Variants in SLC44A5 observed in about 807,000 individuals in gnomAD.
The protein encoded by SLC44A5 is solute carrier family 44 member 5.
A neutral mutation model predicts 101.8 loss-of-function variants in SLC44A5; 57 were observed. The ratio of observed to expected loss-of-function variants is 0.56; its 90% CI spans 0.45 to 0.70. The LOEUF (loss-of-function observed/expected upper bound fraction) is 0.70, where lower values mean the gene tolerates loss of function less well. Among genes scored for constraint, SLC44A5 ranks in the 30% least tolerant of loss-of-function variants. The pLI is 0.00. For missense variants in SLC44A5, 737 were observed against 853.1 expected, an observed-to-expected ratio of 0.86 and a Z score of 1.70; for synonymous variants, 281 against 290.9, an observed-to-expected ratio of 0.97 and a Z score of 0.35.
the SLC44A5 span, among the ~76,000 whole-genome samples, chr1:75,682,280 A>C: frequency 6.6e-6 from 1 of 152,170 alleles, no homozygotes; most frequent in East Asian, 1.9e-4. Flanking sequence ...GAACCAAAAA[A>C]GAGCCCGCAT....
chr1:75,314,116 G>T (rs1438267931), intron 4 of SLC44A5, among the ~76,000 whole-genome samples: 1 of 152,110 alleles, frequency 6.6e-6, no homozygotes, highest in Non-Finnish European at 1.5e-5. Flanking sequence ...ATACACTAGA[G>T]AAAAGTTTAA....
intron 21 of SLC44A5, 38 bp downstream of exon 21, chr1:75,213,880 TA>T: frequency 6.6e-7 from 1 of 1,518,102 alleles, no homozygotes; most frequent in Non-Finnish European, 9.0e-7. Flanking sequence ...AAGCATCTTT[TA>T]AACTTTTTTT....
At chr1:75,273,647 G>A (rs920606073) in intron 6 of SLC44A5, among the ~76,000 whole-genome samples, 1 of 151,998 alleles carries the variant, frequency 6.6e-6, no homozygotes, top group African/African-American at 2.4e-5. Context: ...CACAATTTTT[G>A]TTTTTAATTC....
the SLC44A5 span, chr1:75,642,098 A>T: frequency 8.5e-7 from 1 of 1,181,646 alleles, no homozygotes; most frequent in South Asian, 1.3e-5. Flanking sequence ...TTTTTATTTT[A>T]TTTGATGTAG....
chr1:75,407,308 C>T (rs567510307), intron 2 of SLC44A5, among the ~76,000 whole-genome samples: 1 of 152,056 alleles, frequency 6.6e-6, no homozygotes, highest in Non-Finnish European at 1.5e-5. Context: ...AGATTCAATG[C>T]CATCCCCATC....
rs983940761 is a variant in SLC44A5 at position 75,311,527 on chromosome 1, A to T, written c.102-10842T>A. ...CAAAGCACTACAATTCAACTTACAT[A>T]ACAGGTACCAGCTCCTACTAATATC... On this transcript the variant is annotated intron_variant, in intron 4 of 23. Transcript: ENST00000370859. 3.5e-5 allele frequency: 34 copies of T among 983,460 alleles called. No homozygotes were observed. The African/African-American group carries it at 5.9e-4, about 17-fold the overall frequency. The allele number at this position is 983,460 out of a possible 1,614,324, so 60.9% of individuals were successfully genotyped here.
At chr1:75,501,135 G>A (rs1668936697) in intron 2 of SLC44A5, among the ~76,000 whole-genome samples, 1 of 152,016 alleles carries the variant, frequency 6.6e-6, no homozygotes, top group South Asian at 2.1e-4. Context: ...CACTTCAGAA[G>A]AGAAGATTTA....
chr1:75,439,112 T>C (rs1665049933), intron 2 of SLC44A5, among the ~76,000 whole-genome samples: 1 of 152,098 alleles, frequency 6.6e-6, no homozygotes, highest in South Asian at 2.1e-4. Context: ...CATTAATGAA[T>C]TAATGCCATG....
At chr1:75,610,433 T>C (rs1458474828) in intron 1 of SLC44A5, among the ~76,000 whole-genome samples, 2 of 152,060 alleles carry the variant, frequency 1.3e-5, no homozygotes, top group Non-Finnish European at 2.9e-5. Flanking sequence ...ATGTTAATAA[T>C]ATCTGTATGA....
At chr1:75,678,902 C>T in the SLC44A5 span, among the ~76,000 whole-genome samples, 2 of 152,060 alleles carry the variant, frequency 1.3e-5, no homozygotes, top group Non-Finnish European at 2.9e-5. Flanking sequence ...ATAATCAATA[C>T]AGAGAAGTGC....
chr1:75,515,110 A>G (rs374226902), intron 2 of SLC44A5, among the ~76,000 whole-genome samples: 2 of 151,926 alleles, frequency 1.3e-5, no homozygotes, highest in Admixed American at 6.6e-5. Context: ...TTGTTTCACT[A>G]TTTTCTCCGT....
the SLC44A5 span, among the ~76,000 whole-genome samples, chr1:75,683,392 G>C: frequency 6.6e-6 from 1 of 151,972 alleles, no homozygotes; most frequent in East Asian, 1.9e-4. Context: ...TTAAGAAAAT[G>C]TGGCACATAT....
At chr1:75,313,746 G>A (rs12122907) in intron 4 of SLC44A5, among the ~76,000 whole-genome samples, 28,364 of 152,122 alleles carry the variant, frequency 0.19, 2,725 homozygotes, top group Middle Eastern at 0.3. Flanking sequence ...GCTGAAAAGG[G>A]ATTTAAAGAA....
chr1:75,414,324 TACACACACACACACAC>T (rs35421682), intron 2 of SLC44A5, among the ~76,000 whole-genome samples: 3 of 145,990 alleles, frequency 2.1e-5, no homozygotes, highest in African/African-American at 7.6e-5. Flanking sequence ...CATATCCACA[TACACACACACACACAC>T]ACACACACAC....
chr1:75,368,100 C>A (rs1241814566), intron 3 of SLC44A5, among the ~76,000 whole-genome samples: 1 of 152,078 alleles, frequency 6.6e-6, no homozygotes, highest in Non-Finnish European at 1.5e-5. Context: ...CATCACTAGG[C>A]CAGGTATTAG....
chr1:75,679,130 A>C, the SLC44A5 span, among the ~76,000 whole-genome samples: 2 of 152,196 alleles, frequency 1.3e-5, no homozygotes, highest in Non-Finnish European at 2.9e-5. Context: ...CCAAATCTAC[A>C]TCTGATTGGT....
intron 3 of SLC44A5, among the ~76,000 whole-genome samples, chr1:75,371,016 C>A (rs953877451): frequency 1.3e-5 from 2 of 152,108 alleles, no homozygotes; most frequent in Non-Finnish European, 2.9e-5. Context: ...ACAATGCTCT[C>A]ATCTCATACA....
the SLC44A5 span, among the ~76,000 whole-genome samples, chr1:75,681,386 G>GCA: frequency 1.3e-5 from 2 of 151,800 alleles, no homozygotes; most frequent in East Asian, 3.9e-4. Flanking sequence ...GAATCCAGCA[G>GCA]CACATCAAAA....
At chr1:75,615,432 T>C (rs77080011), upstream of SLC44A5, among the ~76,000 whole-genome samples, 1,735 of 76,966 alleles carry the variant, frequency 0.023, 49 homozygotes, top group African/African-American at 0.074. Flanking sequence ...CACACACACA[T>C]ACATACACAC....
Sources: gnomAD v4.1 joint callset for allele counts (sites outside exome capture counted in the v4.1 genomes callset) on GRCh38, gnomAD v4.1.1 for gene constraint, MANE v1.5 for transcripts, NCBI Gene and HGNC (gene_info 2026-07-23, HGNC 2026-07-21) for gene names.